The following JCAD variants were observed in gnomAD, a reference collection of about 807,000 sequenced individuals.
JCAD encodes the protein junctional cadherin 5 associated, also known as junctional cadherin 5-associated protein.
JCAD carries 40 observed loss-of-function variants against 98.0 expected under a neutral mutation model. That is an observed-to-expected ratio of 0.41 (90% CI 0.32 to 0.53). JCAD has a LOEUF of 0.53. JCAD is among the 20% of genes least tolerant of loss of function. The probability of loss-of-function intolerance (pLI) is 0.31; values close to 1 mark genes in which losing one functional copy is unlikely to be tolerated. For synonymous variants in JCAD, 691 were observed against 682.3 expected, an observed-to-expected ratio of 1.01 and a Z score of -0.20; for missense variants, 1,705 against 1,738.1, an observed-to-expected ratio of 0.98 and a Z score of 0.34.
intron 3 of JCAD, among the ~76,000 whole-genome samples, chr10:30,018,793 T>C (rs931340194): frequency 6.6e-6 from 1 of 152,112 alleles, no homozygotes; most frequent in South Asian, 2.1e-4. Context: ...TTCTTATTTT[T>C]TAAAGAGAAA....
At chr10:30,108,865 A>G (rs371932234) in intron 1 of JCAD, among the ~76,000 whole-genome samples, 7 of 151,632 alleles carry the variant, frequency 4.6e-5, no homozygotes, top group African/African-American at 1.7e-4. Context: ...AAAAAAAAAA[A>G]GGAAAAAGTA....
At chr10:30,025,568 G>C (rs1212522698) in intron 3 of JCAD, among the ~76,000 whole-genome samples, 3 of 129,090 alleles carry the variant, frequency 2.3e-5, no homozygotes, top group African/African-American at 8.3e-5. Context: ...GGGAGGGGAG[G>C]GGAGGGAGAA....
intron 2 of JCAD, among the ~76,000 whole-genome samples, chr10:30,066,415 T>C (rs567743716): frequency 1.3e-5 from 2 of 152,220 alleles, no homozygotes; most frequent in Non-Finnish European, 2.9e-5. Context: ...ACACTCACCG[T>C]AGCAAAGAGC....
chr10:30,084,356 C>T (rs979398904), intron 1 of JCAD, among the ~76,000 whole-genome samples: 1 of 152,174 alleles, frequency 6.6e-6, no homozygotes, highest in Non-Finnish European at 1.5e-5. Flanking sequence ...TTTTATGTGT[C>T]AGCTTACTAA....
chr10:30,081,907 C>A (rs1449604086), intron 1 of JCAD, among the ~76,000 whole-genome samples: 1 of 152,194 alleles, frequency 6.6e-6, no homozygotes, highest in African/African-American at 2.4e-5. Context: ...AGTATTATAA[C>A]CTCCAGTATG....
intron 1 of JCAD, among the ~76,000 whole-genome samples, chr10:30,050,525 G>A (rs534328568): frequency 9.5e-4 from 145 of 151,990 alleles, no homozygotes; most frequent in African/African-American, 3.2e-3. Context: ...AAAGCAAATT[G>A]CACTGTACTC....
intron 1 of JCAD, among the ~76,000 whole-genome samples, chr10:30,056,701 A>G (rs553800414): frequency 1.3e-5 from 2 of 152,358 alleles, no homozygotes; most frequent in East Asian, 1.9e-4. Context: ...TATTGATTTA[A>G]CCAGGCTATT....
chr10:30,106,600 A>G (rs1425786254), intron 1 of JCAD, among the ~76,000 whole-genome samples: 1 of 152,166 alleles, frequency 6.6e-6, no homozygotes, highest in Non-Finnish European at 1.5e-5. Flanking sequence ...TCCTGGGTTC[A>G]AGCGATTCTG....
rs375594607 is a variant in JCAD, at chr10:30,027,195, C to T, written c.2953G>A (p.Ala985Thr). The change falls in exon 3 of 4, where the codon GCA (alanine) becomes ACA (threonine). Residue 985 changes from alanine (A) to threonine (T), a missense_variant. Physicochemically the swap from Ala to Thr is moderately conservative, Grantham distance 58. Coordinates refer to ENST00000375377, the MANE Select transcript of JCAD (RefSeq NM_020848.4). ...GGATAGGACGCGGGCAGTGGTTTTGCGTCACTTGATCTTGAAGACATTCTC... is the reference window on the plus strand; with the variant it reads ...GGATAGGACGCGGGCAGTGGTTTTGTGTCACTTGATCTTGAAGACATTCTC... ...VTRMSSRSSD[A>T]KPLPASYPAE... 7.4e-6 allele frequency: 12 copies of T among 1,614,062 alleles called. No individual in the cohort carries two copies. The highest frequency in any genetic ancestry group is 1.0e-5 in the Non-Finnish European group (12 of 1,180,030).
rs1462218331 is a variant in JCAD at position 30,029,545 on chromosome 10, A to G, written c.603T>C (p.Asp201=). 6 of 1,614,190 alleles carry G rather than the reference A, an allele frequency of 3.7e-6. No individual in the cohort carries two copies. The highest frequency in any genetic ancestry group is 3.3e-5 in the Admixed American group (2 of 60,028). The part of the protein sequence containing the change: ...QPRKLGRQMS[D]GDGERLFQDL... The stretch of plus-strand genomic sequence containing the variant: ...CTTGAAACAGTCTCTCCCCATCTCC[A>G]TCAGACATCTGCCTCCCTAATTTCC... Residue 201 remains aspartate (D), a synonymous_variant, in exon 3 of 4, where the codon GAT becomes GAC. Coordinates refer to ENST00000375377, the MANE Select transcript of JCAD (RefSeq NM_020848.4).
At chr10:30,106,415 C>A (rs950860876) in intron 1 of JCAD, among the ~76,000 whole-genome samples, 35 of 151,304 alleles carry the variant, frequency 2.3e-4, no homozygotes, top group Non-Finnish European at 4.4e-4. Context: ...CAGAGCAATA[C>A]CTTGTCTCTT....
At chr10:30,115,173 C>T (rs1207164287) in intron 1 of JCAD, among the ~76,000 whole-genome samples, 2 of 152,188 alleles carry the variant, frequency 1.3e-5, no homozygotes, top group African/African-American at 4.8e-5. Flanking sequence ...TCTCCACAAA[C>T]AGAGAATTGA....
At chr10:30,092,352 G>A (rs191516407) in intron 1 of JCAD, among the ~76,000 whole-genome samples, 74 of 151,566 alleles carry the variant, frequency 4.9e-4, no homozygotes, top group African/African-American at 1.7e-3. Context: ...TCTCATGTTG[G>A]TGTGTAACTC....
At chr10:30,041,233 T>TA (rs1837236917) in intron 2 of JCAD, among the ~76,000 whole-genome samples, 1 of 151,790 alleles carries the variant, frequency 6.6e-6, no homozygotes, top group Non-Finnish European at 1.5e-5. Context: ...CAGAAGACAG[T>TA]GAGGGAAGAG....
At position 30,102,203 on chromosome 10, in the gene JCAD, C is replaced by G. The variant is rs149689878; in HGVS notation, n.128+13164G>C. ...TCTTTTTTTGAGACAAACTCTTGCT[C>G]TGTCGCCCAGGCTGGAGTGCAGTGG... On this transcript the variant is annotated intron_variant and non_coding_transcript_variant, in intron 1 of 2. Coordinates refer to the JCAD transcript ENST00000465712. 7.6e-3 allele frequency among the ~76,000 whole-genome samples: 1,159 copies of G among 152,286 alleles called. 12 individuals carry two copies. Among genetic ancestry groups the G allele is most frequent in the Middle Eastern group, 0.02 (6 of 294 alleles).
intron 1 of JCAD, among the ~76,000 whole-genome samples, chr10:30,095,522 C>G (rs572624565): frequency 6.6e-6 from 1 of 152,232 alleles, no homozygotes; most frequent in Non-Finnish European, 1.5e-5. Context: ...CTTGCCTCCC[C>G]GTTCGACCTG....
intron 1 of JCAD, among the ~76,000 whole-genome samples, chr10:30,078,505 A>G (rs917791631): frequency 2.6e-5 from 4 of 152,192 alleles, no homozygotes; most frequent in African/African-American, 9.7e-5. Flanking sequence ...AGGTAGTTGA[A>G]GTAGCTGCTC....
At chr10:30,050,246 C>T (rs763052429) in intron 1 of JCAD, among the ~76,000 whole-genome samples, 16 of 129,814 alleles carry the variant, frequency 1.2e-4, no homozygotes, top group African/African-American at 3.2e-4. Context: ...ACCCTGGAGG[C>T]GGAGGTGGCC....
Position 30,047,875 on chromosome 10 carries a change from C to A in JCAD, c.-59-4G>T. On this transcript the variant is annotated splice_polypyrimidine_tract_variant and splice_region_variant and intron_variant, in intron 1 of 3. Coordinates refer to ENST00000375377, the MANE Select transcript of JCAD (RefSeq NM_020848.4). The stretch of plus-strand genomic sequence containing the variant: ...ATGGTGGTGGCAGGACCCAGCACTG[C>A]AGGACAACAGAGAGCTCTATTTGTG... The A allele has an allele frequency of 6.6e-7, 1 of 1,513,270 alleles. No homozygotes were observed. The highest frequency in any genetic ancestry group is 8.9e-7 in the Non-Finnish European group (1 of 1,121,346). 93.7% of individuals were successfully genotyped at this position (1,513,270 alleles called of 1,614,324 possible).
Sources: gnomAD v4.1 joint callset for allele counts (sites outside exome capture counted in the v4.1 genomes callset) on GRCh38, gnomAD v4.1.1 for gene constraint, MANE v1.5 for transcripts, NCBI Gene and HGNC (gene_info 2026-07-23, HGNC 2026-07-21) for gene names.